The following ATG2B variants were observed in gnomAD, a reference collection of about 807,000 sequenced individuals.
ATG2B encodes autophagy related 2B.
Under a neutral mutation model 241.3 loss-of-function variants are expected in ATG2B, and 121 were observed. The observed-to-expected ratio is 0.50, with a 90% CI of 0.43 to 0.58. ATG2B has a LOEUF of 0.58. Ranked by LOEUF, ATG2B falls within the 20% of genes least tolerant of loss-of-function variation. The pLI, the probability that ATG2B is intolerant of heterozygous loss-of-function variation, is 0.00. For synonymous variants in ATG2B, 858 were observed against 876.6 expected, an observed-to-expected ratio of 0.98 and a Z score of 0.37; for missense variants, 2,306 against 2,491.6, an observed-to-expected ratio of 0.93 and a Z score of 1.59.
At chr14:96,322,798 T>C (rs1887494155) in intron 16 of ATG2B, 63 bp from the exon 17 acceptor site, 10 of 1,372,884 alleles carry the variant, frequency 7.3e-6, no homozygotes, top group African/African-American at 1.4e-5. Flanking sequence ...ACTTTAACTT[T>C]TGTGCAAATT....
In ATG2B at chr14:96,323,977, C is replaced by T; in HGVS notation, c.2459G>A (p.Gly820Glu). 2 of 1,604,422 alleles carry T rather than the reference C, an allele frequency of 1.2e-6. No homozygotes were observed. The highest frequency in any genetic ancestry group is 1.4e-5 in the African/African-American group (1 of 73,224). ...ATGGAAAAACTTAATAGATGGATCT[C>T]CTTTCTCTTCCTGGAACGATCCTAA... ...ELIGSFQEEKGDPSIKFFHVS... is the reference protein window; with the variant it reads ...ELIGSFQEEKEDPSIKFFHVS... Residue 820 changes from glycine to glutamate, a missense_variant, in exon 16 of 42, where the codon GGA becomes GAA. Transcript: ENST00000359933.
Position 96,295,186 on chromosome 14 carries a change from T to A in ATG2B, c.5219-19A>T, listed in dbSNP as rs754188867. On this transcript the variant is annotated intron_variant, in intron 35 of 41. Transcript: ENST00000359933. ...TTTTTAACTGAAAATGTAATGTGCA[T>A]GTTTGAAAAATTAGATATGCTTCTT... is the stretch of plus-strand genomic sequence containing the variant. 4 of 1,596,166 alleles carry A rather than the reference T, an allele frequency of 2.5e-6. No individual in the cohort carries two copies. Among genetic ancestry groups the A allele is most frequent in the Non-Finnish European group, 2.6e-6 (3 of 1,167,084 alleles).
intron 34 of ATG2B, among the ~76,000 whole-genome samples, chr14:96,297,308 G>A (rs2139842613): frequency 6.6e-6 from 1 of 150,914 alleles, no homozygotes; most frequent in Non-Finnish European, 1.5e-5. Flanking sequence ...AAAAAAAAGG[G>A]AGACTAAAGA....
Position 96,322,711 on chromosome 14 carries a change from T to G in ATG2B, c.2565A>C (p.Pro855=). The G allele has an allele frequency of 6.2e-7, 1 of 1,613,286 alleles. No individual in the cohort carries two copies. The highest frequency in any genetic ancestry group is 8.5e-7 in the Non-Finnish European group (1 of 1,179,690). The change falls in exon 17 of 42, where the codon CCA becomes CCC. Residue 855 remains proline, a synonymous_variant. Coordinates refer to ENST00000359933, the MANE Select transcript of ATG2B (RefSeq NM_018036.7). ...WPRIVLKINP[P]AMHSILERIA... ...TTCTCTCCAAAATGGAATGCATGGC[T>G]GGTGGATTTATTTTCAGTACAATTC...
chr14:96,344,686 T>C lies in ATG2B; in HGVS notation c.549A>G (p.Lys183=). The C allele has an allele frequency of 6.2e-7, 1 of 1,606,490 alleles. No homozygotes were observed. Among genetic ancestry groups the C allele is most frequent in the Middle Eastern group, 1.7e-4 (1 of 6,022 alleles). ...LRIEHVPENS[K]TGTALEIRIE... The stretch of plus-strand genomic sequence containing the variant: ...TTCGAATTTCAAGTGCAGTTCCAGT[T>C]TTGGAATTTTCTGGCACATGTTCAA... Residue 183 remains lysine (K), a synonymous_variant, in exon 4 of 42, where the codon AAA becomes AAG. Transcript: ENST00000359933.
Position 96,295,044 on chromosome 14 carries a change from T to C in ATG2B, c.5342A>G (p.Asn1781Ser). Residue 1781 changes from asparagine to serine, a missense_variant, in exon 36 of 42, where the codon AAT (asparagine) becomes AGT (serine). Asn to Ser is a conservative substitution (Grantham distance 46). This residue lies in a region of ATG2B where 379 missense variants were observed against 480.4 expected (regional missense o/e 0.79). Transcript: ENST00000359933. ...PKQPSQNDSA[N>S]SVEVVNGMEE... The stretch of plus-strand genomic sequence containing the variant: ...CATGCCATTAACCACTTCCACTGAA[T>C]TGGCACTATCATTTTGGGAAGGCTG... 6.2e-7 allele frequency: 1 copy of C among 1,614,202 alleles called. No individual in the cohort carries two copies. The highest frequency in any genetic ancestry group is 2.2e-5 in the East Asian group (1 of 44,880).
In ATG2B at chr14:96,345,234, T is replaced by C; in HGVS notation, c.477A>G (p.Thr159=). 6.2e-7 allele frequency: 1 copy of C among 1,608,548 alleles called. No homozygotes were observed. The highest frequency in any genetic ancestry group is 8.5e-7 in the Non-Finnish European group (1 of 1,178,202). ...TGAAAATTCTCAGTAACACCAAACC[T>C]GTTTCAATGGTTTCAGCAAACTTTT... is the stretch of plus-strand genomic sequence containing the variant. ...GLEKFAETIE[T]VLRRVKVTFI... is the part of the protein sequence containing the mutation. The change falls in exon 3 of 42, where the codon ACA becomes ACG. Residue 159 remains threonine, a splice_region_variant and synonymous_variant. Coordinates refer to ENST00000359933, the MANE Select transcript of ATG2B (RefSeq NM_018036.7).
intron 1 of ATG2B, among the ~76,000 whole-genome samples, chr14:96,350,032 C>T (rs906874387): frequency 3.9e-5 from 6 of 152,020 alleles, no homozygotes; most frequent in African/African-American, 1.4e-4. Flanking sequence ...GGCACATACC[C>T]GTAATCCCAG....
Position 96,285,991 on chromosome 14 carries a change from T to TAGAGGAGGGAGGTAGGAG in ATG2B, c.6007-24_6007-7dup. ...TGAGCCGTGTCTGTGATTCCCTGCG[T>TAGAGGAGGGAGGTAGGAG]AGAGGAGGGAGGTAGGAGAGAGGAG... On this transcript the variant is annotated splice_polypyrimidine_tract_variant and splice_region_variant and intron_variant, in intron 41 of 41. Coordinates refer to ENST00000359933, the MANE Select transcript of ATG2B (RefSeq NM_018036.7). The surrounding 1 kb of genome is among the most constrained non-coding windows in gnomAD (Gnocchi z 4.2). 1 of 1,605,288 alleles carries TAGAGGAGGGAGGTAGGAG rather than the reference T, an allele frequency of 6.2e-7. No individual in the cohort carries two copies. The highest frequency in any genetic ancestry group is 8.5e-7 in the Non-Finnish European group (1 of 1,173,704).
At chr14:96,303,766 T>C (rs1886860270) in intron 32 of ATG2B, among the ~76,000 whole-genome samples, 1 of 152,196 alleles carries the variant, frequency 6.6e-6, no homozygotes, top group Non-Finnish European at 1.5e-5. Context: ...ATGTGGACCC[T>C]ACCATACACA....
At chr14:96,321,595 C>T (rs1887458447) in intron 18 of ATG2B, among the ~76,000 whole-genome samples, 1 of 152,098 alleles carries the variant, frequency 6.6e-6, no homozygotes, top group African/African-American at 2.4e-5. Flanking sequence ...GAGTCTATGA[C>T]CTAGAATTCC....
intron 28 of ATG2B, among the ~76,000 whole-genome samples, chr14:96,310,876 GAAA>G (rs199808372): frequency 2.8e-5 from 4 of 144,748 alleles, no homozygotes; most frequent in Non-Finnish European, 6.1e-5. Context: ...AACAAGTCTA[GAAA>G]AAAAAAAGTA....
chr14:96,331,682 A>G lies in ATG2B; in HGVS notation c.1469-45T>C, dbSNP rs186657481. On this transcript the variant is annotated intron_variant, in intron 10 of 41. Transcript: ENST00000359933. ...ATTATATACATAAAATTTGACACAT[A>G]AAACTATTAAAATTATAAAACATTT... is the stretch of plus-strand genomic sequence containing the variant. 16 of 1,379,864 alleles carry G rather than the reference A, an allele frequency of 1.2e-5. No homozygotes were observed. The Admixed American group carries it at 3.7e-4, about 32-fold the overall frequency. The allele number at this position is 1,379,864 out of a possible 1,614,324, so 85.5% of individuals were successfully genotyped here.
chr14:96,332,414 T>C lies in ATG2B; in HGVS notation c.1363-4A>G. 2 of 1,613,426 alleles carry C rather than the reference T, an allele frequency of 1.2e-6. No homozygotes were observed. The highest frequency in any genetic ancestry group is 1.7e-6 in the Non-Finnish European group (2 of 1,179,584). On this transcript the variant is annotated splice_region_variant and splice_polypyrimidine_tract_variant and intron_variant, in intron 9 of 41. Coordinates refer to ENST00000359933, the MANE Select transcript of ATG2B (RefSeq NM_018036.7). ...ACTCTCCCCAAGTGGGCTGAAGCTA[T>C]AAAAGATTTTTTTTAAGCACATGAA...
At position 96,347,345 on chromosome 14, in the gene ATG2B, A is replaced by G; in HGVS notation, c.163-4T>C. The stretch of plus-strand genomic sequence containing the variant: ...ACTCCAAGATCTCATTGAGACACTA[A>G]GGAGAAAAAACAGGTTCATTATGAA... On this transcript the variant is annotated splice_region_variant and splice_polypyrimidine_tract_variant and intron_variant, in intron 1 of 41. Coordinates refer to ENST00000359933, the MANE Select transcript of ATG2B (RefSeq NM_018036.7). 1 of 1,550,278 alleles carries G rather than the reference A, an allele frequency of 6.5e-7. No individual in the cohort carries two copies.
chr14:96,290,204 T>C lies in ATG2B; in HGVS notation c.5856+232A>G. On this transcript the variant is annotated intron_variant, in intron 40 of 41. Coordinates refer to ENST00000359933, the MANE Select transcript of ATG2B (RefSeq NM_018036.7). This position sits in a 1 kb window ranked among gnomAD's most constrained non-coding sequence, Gnocchi z 4.4. The stretch of plus-strand genomic sequence containing the variant: ...ATCAATCCTCTGCTAACTTAATGTT[T>C]ACAATTTACCTGAAATAGGCAAACA... 7.6e-7 allele frequency: 1 copy of C among 1,311,962 alleles called. No homozygotes were observed. The highest frequency in any genetic ancestry group is 9.7e-7 in the Non-Finnish European group (1 of 1,027,870). The allele number at this position is 1,311,962 out of a possible 1,614,324, so 81.3% of individuals were successfully genotyped here. A position where few individuals can be genotyped will look rare whatever the true frequency, so the allele number is the denominator to read the frequency against.
chr14:96,345,921 TTA>T (rs1888157423), intron 2 of ATG2B, among the ~76,000 whole-genome samples: 1 of 152,154 alleles, frequency 6.6e-6, no homozygotes, highest in Non-Finnish European at 1.5e-5. Context: ...GGCCTGCAGG[TTA>T]TAGTTTACTA....
At chr14:96,359,331 TCACGC>T (rs1888563413) in intron 1 of ATG2B, among the ~76,000 whole-genome samples, 1 of 151,092 alleles carries the variant, frequency 6.6e-6, no homozygotes, top group African/African-American at 2.4e-5. Context: ...TAAGCCTAGA[TCACGC>T]CACTGCACTC....
intron 1 of ATG2B, 66 bp downstream of exon 1, chr14:96,362,749 G>A: frequency 2.0e-6 from 3 of 1,496,656 alleles, no homozygotes; most frequent in Middle Eastern, 2.2e-4. Context: ...ATCTTGGATG[G>A]CACTGGTTCA....
Sources: gnomAD v4.1 joint callset for allele counts (sites outside exome capture counted in the v4.1 genomes callset) on GRCh38, gnomAD v4.1.1 for gene constraint, gnomAD v4.1.1 regional missense constraint, Gnocchi (gnomAD v3.1) non-coding constraint, MANE v1.5 for transcripts, NCBI Gene and HGNC (gene_info 2026-07-23, HGNC 2026-07-21) for gene names.